The following ATXN10 variants were observed in gnomAD, a reference collection of about 807,000 sequenced individuals.
ATXN10 encodes the protein ataxin-10.
In ATXN10, 28 loss-of-function variants were observed where a neutral mutation model predicts 52.9. The ratio of observed to expected loss-of-function variants is 0.53; its 90% CI spans 0.39 to 0.73. The LOEUF (loss-of-function observed/expected upper bound fraction) is 0.73. ATXN10 is among the 30% of genes least tolerant of loss of function. The pLI is 0.00. For missense variants in ATXN10, 565 were observed against 577.0 expected, an observed-to-expected ratio of 0.98 and a Z score of 0.21; for synonymous variants, 226 against 221.5, an observed-to-expected ratio of 1.02 and a Z score of -0.18.
rs1163743798 is a variant in ATXN10 at position 45,727,866 on chromosome 22, T to A, written c.729-1559T>A. 2.0e-5 allele frequency among the ~76,000 whole-genome samples: 3 copies of A among 152,156 alleles called. No individual in the cohort carries two copies. The highest frequency in any genetic ancestry group is 6.5e-5 in the Admixed American group (1 of 15,274). Reference sequence around the variant, plus strand: ...CTTCTTTGTCTTTTTTTTACTGTTGTTGCTTTAAAGTCTATTTTATCTGAC... The same window carrying A: ...CTTCTTTGTCTTTTTTTTACTGTTGATGCTTTAAAGTCTATTTTATCTGAC... On this transcript the variant is annotated intron_variant, in intron 6 of 11. Transcript: ENST00000252934. This position sits in a 1 kb window ranked among gnomAD's most constrained non-coding sequence, Gnocchi z 4.6.
At chr22:45,752,974 T>C (rs1052772182) in intron 9 of ATXN10, among the ~76,000 whole-genome samples, 8 of 152,128 alleles carry the variant, frequency 5.3e-5, no homozygotes, top group Non-Finnish European at 8.8e-5. Flanking sequence ...CCTCAGGTAA[T>C]CTGCCCACCT....
chr22:45,743,928 A>C (rs1204004490), intron 9 of ATXN10, among the ~76,000 whole-genome samples: 1 of 152,082 alleles, frequency 6.6e-6, no homozygotes, highest in South Asian at 2.1e-4. Flanking sequence ...AGAACTTGCC[A>C]AAAGGTTGGA....
rs147988259 is a variant in ATXN10, at chr22:45,802,450, T to G, written c.1174-4509T>G. Among the ~76,000 whole-genome samples the G allele has an allele frequency of 1.8e-3, 280 of 152,358 alleles. 2 individuals are homozygous for G. Among genetic ancestry groups the G allele is most frequent in the African/African-American group, 6.5e-3 (269 of 41,590 alleles). The stretch of plus-strand genomic sequence containing the variant: ...AACAAAATTGTATCGTCAGTCACCC[T>G]TCCTGAAGGTGCTGTATTGGTGTCT... On this transcript the variant is annotated intron_variant, in intron 9 of 11. Transcript: ENST00000252934.
rs1217433621 is a variant in ATXN10, at chr22:45,795,071, G to A, written c.1174-11888G>A. Among the ~76,000 whole-genome samples the A allele has an allele frequency of 6.6e-6, 1 of 152,072 alleles. No homozygotes were observed. Among genetic ancestry groups the A allele is most frequent in the Non-Finnish European group, 1.5e-5 (1 of 68,010 alleles). ...TACAACATTCTTATATTGTATGTGG[G>A]GTAGTATGGTATTATTTGTAGATAG... is the stretch of plus-strand genomic sequence containing the variant. On this transcript the variant is annotated intron_variant, in intron 9 of 11. Transcript: ENST00000252934. The surrounding 1 kb of genome is among the most constrained non-coding windows in gnomAD (Gnocchi z 4.6).
chr22:45,758,154 C>T (rs1926243380), intron 9 of ATXN10, among the ~76,000 whole-genome samples: 1 of 152,232 alleles, frequency 6.6e-6, no homozygotes, highest in Non-Finnish European at 1.5e-5. Context: ...GCTTCCGCAG[C>T]TCCCGCCTGA....
intron 7 of ATXN10, chr22:45,729,818 A>ATG (rs1274871934): frequency 5.2e-6 from 3 of 573,236 alleles, no homozygotes; most frequent in Non-Finnish European, 6.4e-6. Flanking sequence ...TTCTAGACAG[A>ATG]TGACATCAGA....
chr22:45,719,281 C>T (rs1384670067), intron 6 of ATXN10, among the ~76,000 whole-genome samples: 2 of 151,954 alleles, frequency 1.3e-5, no homozygotes, highest in Non-Finnish European at 1.5e-5. Flanking sequence ...ATTGTAGTCA[C>T]GAGTTTTAGT....
intron 7 of ATXN10, among the ~76,000 whole-genome samples, chr22:45,737,512 A>G (rs779246580): frequency 6.6e-6 from 1 of 152,198 alleles, no homozygotes; most frequent in Non-Finnish European, 1.5e-5. Flanking sequence ...AAAGAAGGCT[A>G]TGATATAAAA....
chr22:45,721,042 T>G (rs991741939), intron 6 of ATXN10, among the ~76,000 whole-genome samples: 4 of 152,334 alleles, frequency 2.6e-5, no homozygotes, highest in African/African-American at 9.6e-5. Flanking sequence ...TGTAAATTCT[T>G]AAGCTTTTTT....
rs1209235784 is a variant in ATXN10 at position 45,729,586 on chromosome 22, A to G, written c.890A>G (p.Asp297Gly). Residue 297 changes from aspartate to glycine, a missense_variant, in exon 7 of 12, where the codon GAT becomes GGT. By Grantham distance (94) the Asp-to-Gly change is moderately conservative. Transcript: ENST00000252934. The stretch of plus-strand genomic sequence containing the variant: ...CTGGCCTCTGAGGAGCCTCCTGATG[A>G]TGAGGTAAGGGAGGCAGATTTCCCA... The part of the protein sequence containing the change: ...LKLASEEPPD[D>G]EEALATIRLL... The G allele has an allele frequency of 6.2e-7, 1 of 1,614,016 alleles. No homozygotes were observed. Among genetic ancestry groups the G allele is most frequent in the Non-Finnish European group, 8.5e-7 (1 of 1,180,022 alleles).
chr22:45,812,876 T>G (rs1928329413), intron 10 of ATXN10, among the ~76,000 whole-genome samples: 1 of 152,188 alleles, frequency 6.6e-6, no homozygotes, highest in Admixed American at 6.5e-5. Context: ...CCCTACGGGT[T>G]AGGAAATCCA....
chr22:45,710,426 T>C (rs9626192), intron 5 of ATXN10, among the ~76,000 whole-genome samples: 4,092 of 152,288 alleles, frequency 0.027, 173 homozygotes, highest in African/African-American at 0.093. Context: ...TTATGTTCAG[T>C]AGTGTTTCCT....
At position 45,790,554 on chromosome 22, in the gene ATXN10, C is replaced by T. The variant is rs1341874223; in HGVS notation, c.1174-16405C>T. Reference sequence around the variant, plus strand: ...GGAAAGATGGAGAAAGTCTTCATTTCTGCTTCAGCAGATTTCAGTTAGTCT... The same window carrying T: ...GGAAAGATGGAGAAAGTCTTCATTTTTGCTTCAGCAGATTTCAGTTAGTCT... On this transcript the variant is annotated intron_variant, in intron 9 of 11. Coordinates refer to ENST00000252934, the MANE Select transcript of ATXN10 (RefSeq NM_013236.4). The surrounding 1 kb of genome is among the most constrained non-coding windows in gnomAD (Gnocchi z 4.7). Among the ~76,000 whole-genome samples the T allele has an allele frequency of 6.6e-6, 1 of 152,216 alleles. No homozygotes were observed.
intron 10 of ATXN10, among the ~76,000 whole-genome samples, chr22:45,809,704 T>C (rs1486816086): frequency 6.6e-6 from 1 of 152,160 alleles, no homozygotes; most frequent in Non-Finnish European, 1.5e-5. Context: ...TGTGTGTGAG[T>C]GTGTGTACGT....
At chr22:45,700,155 A>T (rs1404349872) in intron 3 of ATXN10, 127 bp from the exon 4 acceptor site, 1 of 729,388 alleles carries the variant, frequency 1.4e-6, no homozygotes, top group East Asian at 2.9e-5. Flanking sequence ...GTGGAGACAG[A>T]CTTTAATTTT....
rs766863667 is a variant in ATXN10 at position 45,759,368 on chromosome 22, C to T, written c.1173+18830C>T. On this transcript the variant is annotated intron_variant, in intron 9 of 11. Coordinates refer to ENST00000252934, the MANE Select transcript of ATXN10 (RefSeq NM_013236.4). The surrounding 1 kb of genome is among the most constrained non-coding windows in gnomAD (Gnocchi z 5.4). ...CTCTACTAAAAATACAAAAAGTAGCCGGGCGTGGTGGCGCATGCCTGTAAT... is the reference window on the plus strand; with the variant it reads ...CTCTACTAAAAATACAAAAAGTAGCTGGGCGTGGTGGCGCATGCCTGTAAT... 8.5e-5 allele frequency among the ~76,000 whole-genome samples: 13 copies of T among 152,068 alleles called. No individual in the cohort carries two copies. Among genetic ancestry groups the T allele is most frequent in the East Asian group, 1.9e-4 (1 of 5,192 alleles).
chr22:45,742,602 A>G (rs1378098084), intron 9 of ATXN10, among the ~76,000 whole-genome samples: 1 of 152,218 alleles, frequency 6.6e-6, no homozygotes, highest in African/African-American at 2.4e-5. Flanking sequence ...ACACTTTAAG[A>G]TACATCAGTA....
In ATXN10 at chr22:45,816,419, G is replaced by A. The variant is rs1366051662; in HGVS notation, c.1237+9397G>A. 6.6e-6 allele frequency among the ~76,000 whole-genome samples: 1 copy of A among 152,112 alleles called. No homozygotes were observed. Among genetic ancestry groups the A allele is most frequent in the African/African-American group, 2.4e-5 (1 of 41,434 alleles). On this transcript the variant is annotated intron_variant, in intron 10 of 11. Coordinates refer to ENST00000252934, the MANE Select transcript of ATXN10 (RefSeq NM_013236.4). The surrounding 1 kb of genome is among the most constrained non-coding windows in gnomAD (Gnocchi z 5.8). ...TTCGGTCATGTATGTCTTCCTCTCA[G>A]AGTTCTTTCTAGATCCCTTCAGTGA... is the stretch of plus-strand genomic sequence containing the variant.
rs75679783 is a variant in ATXN10, at chr22:45,737,960, C to T, written c.895-771C>T. ...TCAAGTGATCTTCTGGCCTCGGCCT[C>T]CCAATGTGAAGAATGTTATCTTTAT... On this transcript the variant is annotated intron_variant, in intron 7 of 11. Transcript: ENST00000252934. 3.4e-3 allele frequency among the ~76,000 whole-genome samples: 525 copies of T among 152,178 alleles called. 4 individuals carry two copies. Among genetic ancestry groups the T allele is most frequent in the African/African-American group, 0.012 (501 of 41,514 alleles).
Sources: allele counts gnomAD v4.1 joint callset (sites outside exome capture counted in the v4.1 genomes callset), GRCh38; gene constraint gnomAD v4.1.1; non-coding constraint Gnocchi (gnomAD v3.1); transcripts MANE v1.5; gene names NCBI Gene and HGNC (gene_info 2026-07-23, HGNC 2026-07-21).